FBXW4: variants seen among roughly 807,000 people sequenced by gnomAD.
The protein encoded by FBXW4 is F-box/WD repeat-containing protein 4.
In FBXW4, 40 loss-of-function variants were observed where a neutral mutation model predicts 61.8. The ratio of observed to expected loss-of-function variants is 0.65; its 90% CI spans 0.50 to 0.84. The LOEUF (loss-of-function observed/expected upper bound fraction) is 0.84, where lower values mean the gene tolerates loss of function less well. Ranked by LOEUF, FBXW4 falls within the 40% of genes least tolerant of loss-of-function variation. FBXW4 has a pLI of 0.00. For missense variants in FBXW4, 672 were observed against 753.8 expected, an observed-to-expected ratio of 0.89 and a Z score of 1.27; for synonymous variants, 311 against 313.8, an observed-to-expected ratio of 0.99 and a Z score of 0.10.
intron 5 of FBXW4, among the ~76,000 whole-genome samples, chr10:101,655,043 T>C (rs2134866512): frequency 6.6e-6 from 1 of 152,264 alleles, no homozygotes; most frequent in East Asian, 1.9e-4. Context: ...TTGCCCAAGC[T>C]GGTCTTGAGC....
intron 6 of FBXW4, chr10:101,612,873 C>T (rs1278128343): frequency 1.8e-5 from 3 of 163,816 alleles, no homozygotes; most frequent in African/African-American, 7.2e-5. Context: ...TCCTGCAGGT[C>T]ATGCAGTTCT....
At chr10:101,661,987 G>C (rs1455278433) in intron 5 of FBXW4, among the ~76,000 whole-genome samples, 2 of 152,166 alleles carry the variant, frequency 1.3e-5, no homozygotes, top group Non-Finnish European at 2.9e-5. Context: ...AAACTCAGAG[G>C]CACAATCTTT....
intron 5 of FBXW4, among the ~76,000 whole-genome samples, chr10:101,647,256 C>G (rs1204994675): frequency 6.6e-6 from 1 of 152,150 alleles, no homozygotes; most frequent in African/African-American, 2.4e-5. Flanking sequence ...GATCTCTCAC[C>G]CACAGGTCGT....
chr10:101,618,892 G>GA (rs75454639), intron 6 of FBXW4, among the ~76,000 whole-genome samples: 26 of 149,276 alleles, frequency 1.7e-4, no homozygotes, highest in Admixed American at 6.0e-4. Context: ...CCCCTTGGCA[G>GA]AAAAAAAAAA....
intron 5 of FBXW4, among the ~76,000 whole-genome samples, chr10:101,632,342 C>G (rs949818506): frequency 2.0e-5 from 3 of 152,170 alleles, no homozygotes; most frequent in African/African-American, 7.2e-5. Flanking sequence ...TCCCTGCCCC[C>G]CAACTGCAAC....
intron 5 of FBXW4, among the ~76,000 whole-genome samples, chr10:101,631,460 G>A (rs1173884739): frequency 6.6e-6 from 1 of 152,072 alleles, no homozygotes; most frequent in Admixed American, 6.6e-5. Flanking sequence ...CTAAAAAAAA[G>A]AGCCTATGCA....
intron 6 of FBXW4, among the ~76,000 whole-genome samples, chr10:101,614,901 G>A (rs966210772): frequency 6.6e-6 from 1 of 152,084 alleles, no homozygotes; most frequent in African/African-American, 2.4e-5. Context: ...GCCCTTCTCG[G>A]CCCCCACCCC....
intron 5 of FBXW4, among the ~76,000 whole-genome samples, chr10:101,645,185 G>A (rs1035160368): frequency 6.6e-6 from 1 of 152,186 alleles, no homozygotes; most frequent in Non-Finnish European, 1.5e-5. Context: ...AAAGAAAAGG[G>A]TGGCTAGTCT....
chr10:101,620,958 G>A (rs556654598), intron 6 of FBXW4, among the ~76,000 whole-genome samples: 1 of 152,246 alleles, frequency 6.6e-6, no homozygotes, highest in Admixed American at 6.5e-5. Context: ...GGCAACCATA[G>A]GCAGAAGAGG....
intron 6 of FBXW4, among the ~76,000 whole-genome samples, chr10:101,624,086 A>G (rs2063888541): frequency 7.3e-6 from 1 of 137,838 alleles, no homozygotes; most frequent in Non-Finnish European, 1.6e-5. Context: ...ACATAGACAC[A>G]GACAGACACA....
intron 4 of FBXW4, among the ~76,000 whole-genome samples, chr10:101,670,587 G>C (rs2064349841): frequency 6.6e-6 from 1 of 152,162 alleles, no homozygotes; most frequent in African/African-American, 2.4e-5. Flanking sequence ...CAGCTCCCTG[G>C]CCAGGTACGC....
intron 5 of FBXW4, among the ~76,000 whole-genome samples, chr10:101,630,665 A>G (rs1472834623): frequency 1.3e-5 from 2 of 152,214 alleles, no homozygotes; most frequent in Non-Finnish European, 2.9e-5. Flanking sequence ...TGAGGGAGAG[A>G]CCAGTAGAGT....
At chr10:101,642,616 C>A (rs1351792830) in intron 5 of FBXW4, among the ~76,000 whole-genome samples, 5 of 152,202 alleles carry the variant, frequency 3.3e-5, no homozygotes, top group Non-Finnish European at 7.3e-5. Context: ...CAACAGCCCA[C>A]ACACCTCCCC....
chr10:101,614,256 A>G (rs1040191345), intron 6 of FBXW4, among the ~76,000 whole-genome samples: 2 of 152,186 alleles, frequency 1.3e-5, no homozygotes, highest in Non-Finnish European at 2.9e-5. Context: ...AAGTAATTTC[A>G]TGTTTGTTTG....
At chr10:101,630,774 C>T (rs1463968945) in intron 5 of FBXW4, among the ~76,000 whole-genome samples, 1 of 152,146 alleles carries the variant, frequency 6.6e-6, no homozygotes, top group Non-Finnish European at 1.5e-5. Context: ...GCCAACAGGG[C>T]ACCCTGGGTC....
intron 1 of FBXW4, among the ~76,000 whole-genome samples, chr10:101,692,826 A>C (rs1477264835): frequency 6.6e-6 from 1 of 152,092 alleles, no homozygotes; most frequent in Non-Finnish European, 1.5e-5. Context: ...GAGGAATTAT[A>C]AATTTCTCAG....
intron 1 of FBXW4, among the ~76,000 whole-genome samples, chr10:101,685,225 T>C (rs1589782914): frequency 6.6e-6 from 1 of 152,212 alleles, no homozygotes; most frequent in Non-Finnish European, 1.5e-5. Context: ...TCTGAACTGT[T>C]AGATGGAACC....
At chr10:101,677,025 C>T (rs1426798940) in intron 1 of FBXW4, among the ~76,000 whole-genome samples, 2 of 152,078 alleles carry the variant, frequency 1.3e-5, no homozygotes, top group African/African-American at 4.8e-5. Context: ...GGAATTTGTA[C>T]CGTGATGAGG....
chr10:101,643,714 T>C (rs545721477), intron 5 of FBXW4, among the ~76,000 whole-genome samples: 2 of 152,266 alleles, frequency 1.3e-5, no homozygotes, highest in South Asian at 4.1e-4. Context: ...TTCTCCCCCT[T>C]AGGCCAGTCT....
Sources: gnomAD v4.1 joint callset for allele counts (sites outside exome capture counted in the v4.1 genomes callset) on GRCh38, gnomAD v4.1.1 for gene constraint, MANE v1.5 for transcripts, NCBI Gene and HGNC (gene_info 2026-07-23, HGNC 2026-07-21) for gene names.